The following GALNT13 variants were observed in gnomAD, a reference collection of about 807,000 sequenced individuals.
The protein encoded by GALNT13 is polypeptide N-acetylgalactosaminyltransferase 13, also known as UDP-GalNAc:polypeptide N-acetylgalactosaminyltransferase 13.
Under a neutral mutation model 64.2 loss-of-function variants are expected in GALNT13, and 28 were observed. That is an observed-to-expected ratio of 0.44 (90% confidence interval 0.32 to 0.60). The LOEUF (loss-of-function observed/expected upper bound fraction) is 0.60. GALNT13 is among the 20% of genes least tolerant of loss of function. The probability of loss-of-function intolerance (pLI) is 0.05; values close to 1 mark genes in which losing one functional copy is unlikely to be tolerated. For missense variants in GALNT13, 577 were observed against 669.8 expected, an observed-to-expected ratio of 0.86 and a Z score of 1.53; for synonymous variants, 214 against 224.6, an observed-to-expected ratio of 0.95 and a Z score of 0.42.
chr2:153,733,059 G>A, the GALNT13 span, among the ~76,000 whole-genome samples: 1 of 152,076 alleles, frequency 6.6e-6, no homozygotes, highest in African/African-American at 2.4e-5. Flanking sequence ...AAAAATGTCA[G>A]AGTGGAAGAG....
intron 4 of GALNT13, among the ~76,000 whole-genome samples, chr2:154,173,524 C>T (rs1055994666): frequency 4.6e-5 from 7 of 151,596 alleles, no homozygotes; most frequent in African/African-American, 1.5e-4. Flanking sequence ...TTTGGAAGCT[C>T]GAGTAACCAA....
the GALNT13 span, among the ~76,000 whole-genome samples, chr2:153,376,958 T>C: frequency 6.6e-6 from 1 of 152,278 alleles, no homozygotes; most frequent in Admixed American, 6.5e-5. Flanking sequence ...GTGACTATTA[T>C]AGGATGAATT....
chr2:153,499,341 T>G, the GALNT13 span, among the ~76,000 whole-genome samples: 1 of 152,120 alleles, frequency 6.6e-6, no homozygotes, highest in African/African-American at 2.4e-5. Context: ...TTTTATGGGC[T>G]TAGAAGGGAG....
the GALNT13 span, among the ~76,000 whole-genome samples, chr2:153,260,373 G>A: frequency 6.6e-6 from 1 of 152,134 alleles, no homozygotes; most frequent in African/African-American, 2.4e-5. Flanking sequence ...AGCATTTCTT[G>A]TAGGACAGGT....
chr2:153,987,955 A>G (rs559615152), intron 3 of GALNT13, among the ~76,000 whole-genome samples: 16 of 151,990 alleles, frequency 1.1e-4, no homozygotes, highest in African/African-American at 3.6e-4. Flanking sequence ...TCCCATAAGT[A>G]TTCGGGGGAG....
chr2:153,528,398 G>C, the GALNT13 span, among the ~76,000 whole-genome samples: 8 of 152,052 alleles, frequency 5.3e-5, no homozygotes, highest in African/African-American at 1.7e-4. Context: ...TAGTATATAT[G>C]CACTCAACAT....
chr2:153,110,915 G>C, the GALNT13 span, among the ~76,000 whole-genome samples: 1 of 152,040 alleles, frequency 6.6e-6, no homozygotes, highest in Non-Finnish European at 1.5e-5. Flanking sequence ...GTTCTTTCAA[G>C]GAATATAAGG....
the GALNT13 span, among the ~76,000 whole-genome samples, chr2:153,486,326 A>G: frequency 6.6e-6 from 1 of 152,184 alleles, no homozygotes; most frequent in African/African-American, 2.4e-5. Flanking sequence ...TAGTATTTAT[A>G]TTCTTATGGC....
chr2:154,319,828 G>A (rs1694527671), intron 9 of GALNT13, among the ~76,000 whole-genome samples: 1 of 151,854 alleles, frequency 6.6e-6, no homozygotes, highest in South Asian at 2.1e-4. Context: ...AACATATTTT[G>A]ATTTATTTTG....
At chr2:154,173,048 A>G (rs779370993) in intron 4 of GALNT13, among the ~76,000 whole-genome samples, 2 of 152,000 alleles carry the variant, frequency 1.3e-5, no homozygotes, top group African/African-American at 4.8e-5. Context: ...GAGTAAAGCT[A>G]TAGGCATCAC....
intron 2 of GALNT13, among the ~76,000 whole-genome samples, chr2:153,930,134 G>A (rs923570425): frequency 6.6e-6 from 1 of 152,114 alleles, no homozygotes; most frequent in African/African-American, 2.4e-5. Flanking sequence ...TTGGTCACAT[G>A]CATGCCTTCT....
intron 4 of GALNT13, among the ~76,000 whole-genome samples, chr2:154,151,457 A>T (rs1168946874): frequency 6.6e-6 from 1 of 152,168 alleles, no homozygotes; most frequent in Non-Finnish European, 1.5e-5. Flanking sequence ...CGCTTGGTGC[A>T]GAGCTGAGTT....
the GALNT13 span, among the ~76,000 whole-genome samples, chr2:153,760,751 C>G: frequency 6.6e-6 from 1 of 152,004 alleles, no homozygotes; most frequent in African/African-American, 2.4e-5. Flanking sequence ...TCCGTTTGGT[C>G]TAAGGATATT....
At chr2:153,766,375 G>A in the GALNT13 span, among the ~76,000 whole-genome samples, 1 of 152,018 alleles carries the variant, frequency 6.6e-6, no homozygotes, top group Non-Finnish European at 1.5e-5. Context: ...GAGAATTTGG[G>A]GATTCTTGCA....
At chr2:153,314,796 A>G in the GALNT13 span, among the ~76,000 whole-genome samples, 2 of 152,062 alleles carry the variant, frequency 1.3e-5, no homozygotes, top group Non-Finnish European at 2.9e-5. Context: ...GGAAATTTAT[A>G]TCTGTAAACA....
the GALNT13 span, among the ~76,000 whole-genome samples, chr2:153,319,747 C>A: frequency 6.6e-6 from 1 of 152,006 alleles, no homozygotes; most frequent in African/African-American, 2.4e-5. Flanking sequence ...CACTTTTGAC[C>A]TGCTGACCTA....
chr2:154,055,854 A>T (rs1465724165), intron 3 of GALNT13, among the ~76,000 whole-genome samples: 1 of 152,126 alleles, frequency 6.6e-6, no homozygotes, highest in Non-Finnish European at 1.5e-5. Flanking sequence ...CAAAGGCAGT[A>T]GGGTATGATC....
At chr2:153,958,515 G>A (rs1346371018) in intron 3 of GALNT13, among the ~76,000 whole-genome samples, 1 of 152,152 alleles carries the variant, frequency 6.6e-6, no homozygotes, top group Non-Finnish European at 1.5e-5. Context: ...TACTAAATGA[G>A]TTTCTTCTTC....
chr2:153,488,242 C>T, the GALNT13 span, among the ~76,000 whole-genome samples: 1 of 152,334 alleles, frequency 6.6e-6, no homozygotes, highest in East Asian at 1.9e-4. Flanking sequence ...ACAGAGAAGG[C>T]ACTTCCGCCT....
Sources: gnomAD v4.1 joint callset for allele counts (sites outside exome capture counted in the v4.1 genomes callset) on GRCh38, gnomAD v4.1.1 for gene constraint, MANE v1.5 for transcripts, NCBI Gene and HGNC (gene_info 2026-07-23, HGNC 2026-07-21) for gene names.